The following SRSF3 variants were observed in gnomAD, a reference collection of about 807,000 sequenced individuals.
The protein encoded by SRSF3 is serine/arginine-rich splicing factor 3.
For missense variants in SRSF3, 58 were observed against 217.1 expected (o/e 0.27, Z 4.61); for synonymous variants, 87 against 73.6 (o/e 1.18, Z -0.93).
chr6:36,601,421 A>C, intron 4 of SRSF3: 1 of 581,330 alleles, frequency 1.7e-6, no homozygotes, highest in Non-Finnish European at 3.0e-6. Context: ...ATTATAGCTC[A>C]CTGTAGCCTT....
At chr6:36,598,786 T>C in intron 2 of SRSF3, 63 bp from the exon 3 acceptor site, 5 of 1,581,728 alleles carry the variant, frequency 3.2e-6, no homozygotes, top group Non-Finnish European at 4.3e-6. Flanking sequence ...GAGAGTACTT[T>C]TGGCTTTAAT....
Position 36,603,208 on chromosome 6 carries a change from A to C in SRSF3, c.*1219A>C. On this transcript the variant is annotated 3_prime_UTR_variant, in exon 6 of 6. Coordinates refer to ENST00000373715, the MANE Select transcript of SRSF3 (RefSeq NM_003017.5). Reference sequence around the variant, plus strand: ...CCATTAACAAATGGCTTTTATCTTTAGCATGAAAACTTTCCACAGGTCTAA... The same window carrying C: ...CCATTAACAAATGGCTTTTATCTTTCGCATGAAAACTTTCCACAGGTCTAA... 8.9e-6 allele frequency: 2 copies of C among 224,712 alleles called. No individual in the cohort carries two copies. Among genetic ancestry groups the C allele is most frequent in the Middle Eastern group, 1.4e-3 (1 of 712 alleles). The allele number at this position is 224,712 out of a possible 1,614,324, so 13.9% of individuals were successfully genotyped here.
Position 36,604,426 on chromosome 6 carries a change from T to G in SRSF3, c.*2437T>G, listed in dbSNP as rs975076479. On this transcript the variant is annotated 3_prime_UTR_variant, in exon 6 of 6. Transcript: ENST00000373715. ...GAGTTGGAGACCAGTCTGCCCAACATGGCAAGATTCACATTTCTATTAAAA... is the reference window on the plus strand; with the variant it reads ...GAGTTGGAGACCAGTCTGCCCAACAGGGCAAGATTCACATTTCTATTAAAA... 1.0e-5 allele frequency: 2 copies of G among 195,520 alleles called. No individual in the cohort carries two copies. The highest frequency in any genetic ancestry group is 2.3e-5 in the African/African-American group (1 of 43,226). The allele number at this position is 195,520 out of a possible 1,614,324, so 12.1% of individuals were successfully genotyped here.
chr6:36,599,814 G>A (rs1778688435), intron 3 of SRSF3: 1 of 1,351,550 alleles, frequency 7.4e-7, no homozygotes, highest in Non-Finnish European at 9.8e-7. Context: ...AATGAACCCC[G>A]TTACAGAGTC....
At chr6:36,601,100 C>A (rs1017687152) in intron 3 of SRSF3, 52 bp from the exon 4 acceptor site, 24 of 1,515,482 alleles carry the variant, frequency 1.6e-5, no homozygotes, top group Non-Finnish European at 5.4e-6. Context: ...AAATGCCTCA[C>A]GCCATAAATA....
At chr6:36,601,940 C>CG (rs780610348) in intron 5 of SRSF3, 22 bp from the exon 6 acceptor site, 18 of 1,433,156 alleles carry the variant, frequency 1.3e-5, no homozygotes, top group Non-Finnish European at 1.6e-5. Context: ...GTTTTGTTTT[C>CG]TTTTTTTTTT....
intron 2 of SRSF3, chr6:36,598,297 A>G (rs1177132688): frequency 6.6e-6 from 1 of 152,352 alleles, no homozygotes; most frequent in East Asian, 1.9e-4. Context: ...ATAAAATAGA[A>G]TTTGACTTCC....
chr6:36,599,711 A>T, intron 3 of SRSF3: 1 of 854,622 alleles, frequency 1.2e-6, no homozygotes, highest in East Asian at 5.8e-5. Context: ...ACTGTTGCCC[A>T]TCATAATAAA....
intron 4 of SRSF3, 34 bp downstream of exon 4, chr6:36,601,224 A>G: frequency 6.2e-7 from 1 of 1,611,568 alleles, no homozygotes; most frequent in Non-Finnish European, 8.5e-7. Context: ...ACGTTCTTAG[A>G]AATGGCAGTG....
chr6:36,595,890 C>G (rs996742564), intron 1 of SRSF3, among the ~76,000 whole-genome samples: 1 of 152,076 alleles, frequency 6.6e-6, no homozygotes, highest in Non-Finnish European at 1.5e-5. Flanking sequence ...TCCTATAGTT[C>G]CAAATGACCA....
Position 36,602,083 on chromosome 6 carries a change from C to T in SRSF3, c.*94C>T, listed in dbSNP as rs1778727702. 2 of 1,543,460 alleles carry T rather than the reference C, an allele frequency of 1.3e-6. No homozygotes were observed. The highest frequency in any genetic ancestry group is 1.7e-6 in the Non-Finnish European group (2 of 1,152,564). ...CAAGTTTTGTTTGAGACTTCATAAGCTTGGTGCATTTTTAAGATGTTTTAG... is the reference window on the plus strand; with the variant it reads ...CAAGTTTTGTTTGAGACTTCATAAGTTTGGTGCATTTTTAAGATGTTTTAG... On this transcript the variant is annotated 3_prime_UTR_variant, in exon 6 of 6. Coordinates refer to ENST00000373715, the MANE Select transcript of SRSF3 (RefSeq NM_003017.5).
chr6:36,601,832 A>T (rs1160085788), intron 5 of SRSF3, 38 bp downstream of exon 5: 2 of 1,604,858 alleles, frequency 1.2e-6, no homozygotes, highest in African/African-American at 2.7e-5. Context: ...GACTTTGCAT[A>T]CATAGTATGC....
chr6:36,604,791 T>G lies in SRSF3; in HGVS notation c.*2802T>G, dbSNP rs1055167598. ...CAGACTCCAGGCTCATTGACTTAGT[T>G]TTTCAGGGTGACCTAACCCTGTGTA... On this transcript the variant is annotated 3_prime_UTR_variant, in exon 6 of 6. Coordinates refer to ENST00000373715, the MANE Select transcript of SRSF3 (RefSeq NM_003017.5). 2.0e-5 allele frequency: 3 copies of G among 152,234 alleles called. No individual in the cohort carries two copies. Among genetic ancestry groups the G allele is most frequent in the African/African-American group, 7.2e-5 (3 of 41,446 alleles). 9.4% of individuals were successfully genotyped at this position (152,234 alleles called of 1,614,324 possible). A position where few individuals can be genotyped will look rare whatever the true frequency, so the allele number is the denominator to read the frequency against.
chr6:36,595,321 T>A (rs188951092), intron 1 of SRSF3, among the ~76,000 whole-genome samples: 99 of 152,346 alleles, frequency 6.5e-4, no homozygotes, highest in African/African-American at 1.7e-3. Flanking sequence ...GTCCCCAAAG[T>A]GCAGTAAATT....
rs184539783 is a variant in SRSF3 at position 36,604,607 on chromosome 6, G to T, written c.*2618G>T. ...TAGAGATCCTTACAAACGTGATCCC[G>T]TCAGCGTCCATGACACTCCCACCCT... On this transcript the variant is annotated 3_prime_UTR_variant, in exon 6 of 6. Transcript: ENST00000373715. 1 of 169,514 alleles carries T rather than the reference G, an allele frequency of 5.9e-6. No individual in the cohort carries two copies. The highest frequency in any genetic ancestry group is 2.0e-4 in the South Asian group (1 of 4,974). 10.5% of individuals were successfully genotyped at this position (169,514 alleles called of 1,614,324 possible).
At chr6:36,601,001 CT>C (rs775227806) in intron 3 of SRSF3, 150 bp from the exon 4 acceptor site, 950 of 86,404 alleles carry the variant, frequency 0.011, 1 homozygote, top group African/African-American at 0.039. Context: ...TCTTTTTTTT[CT>C]TTTTTTTTTT....
At chr6:36,599,469 C>T (rs1778683861) in intron 3 of SRSF3, 1 of 202,644 alleles carries the variant, frequency 4.9e-6, no homozygotes, top group South Asian at 7.8e-5. Flanking sequence ...AAGAAGTAAT[C>T]CCAGTCATCT....
rs184558908 is a variant in SRSF3 at position 36,599,044 on chromosome 6, T to C, written c.341+61T>C. On this transcript the variant is annotated intron_variant, in intron 3 of 5. Coordinates refer to ENST00000373715, the MANE Select transcript of SRSF3 (RefSeq NM_003017.5). ...TAATGGAGTAGCTAGTAGGAGCAGG[T>C]ATTTCTCTTAAGTTTGTTGGTGGGT... 88 of 1,570,760 alleles carry C rather than the reference T, an allele frequency of 5.6e-5. No individual in the cohort carries two copies. The Admixed American group carries it at 1.7e-3, about 30-fold the overall frequency.
chr6:36,601,919 A>G (rs748419640), intron 5 of SRSF3, 43 bp from the exon 6 acceptor site: 27 of 1,580,156 alleles, frequency 1.7e-5, no homozygotes, highest in Non-Finnish European at 2.3e-5. Flanking sequence ...TCACCAAGTT[A>G]CAGATGTAAT....
Sources: allele counts gnomAD v4.1 joint callset (sites outside exome capture counted in the v4.1 genomes callset), GRCh38; gene constraint gnomAD v4.1.1; transcripts MANE v1.5; gene names NCBI Gene and HGNC (gene_info 2026-07-23, HGNC 2026-07-21).